The following CASZ1 variants were observed in gnomAD, a reference collection of about 807,000 sequenced individuals.
CASZ1 encodes zinc finger protein castor homolog 1.
Under a neutral mutation model 135.2 loss-of-function variants are expected in CASZ1, and 28 were observed. The ratio of observed to expected loss-of-function variants is 0.21; its 90% CI spans 0.15 to 0.28. The LOEUF (loss-of-function observed/expected upper bound fraction) is 0.28, where lower values mean the gene tolerates loss of function less well. CASZ1 is among the 10% of genes least tolerant of loss of function. The pLI is 1.00. For missense variants in CASZ1, 2,161 were observed against 2,453.3 expected, an observed-to-expected ratio of 0.88 and a Z score of 2.52; for synonymous variants, 1,068 against 1,073.4, an observed-to-expected ratio of 0.99 and a Z score of 0.10.
chr1:10,648,955 G>T, intron 15 of CASZ1, 115 bp downstream of exon 15: 1 of 1,408,566 alleles, frequency 7.1e-7, no homozygotes, highest in Non-Finnish European at 9.6e-7. Context: ...CCGAGAAGCC[G>T]GCTCAGCTTC....
intron 4 of CASZ1, among the ~76,000 whole-genome samples, chr1:10,687,424 A>T (rs954296653): frequency 2.0e-5 from 3 of 152,106 alleles, no homozygotes; most frequent in African/African-American, 7.2e-5. Context: ...GCCAGAGGAG[A>T]CCCCAGAGTC....
At chr1:10,796,116 GC>G (rs1393615467) in intron 1 of CASZ1, among the ~76,000 whole-genome samples, 1 of 151,928 alleles carries the variant, frequency 6.6e-6, no homozygotes, top group South Asian at 2.1e-4. Context: ...GAGATCACCT[GC>G]CCCCCCGGGA....
Position 10,639,052 on chromosome 1 carries a change from G to A in CASZ1, c.5170C>T (p.Pro1724Ser). The A allele has an allele frequency of 9.3e-7, 1 of 1,080,216 alleles. No homozygotes were observed. Among genetic ancestry groups the A allele is most frequent in the Non-Finnish European group, 1.1e-6 (1 of 874,306 alleles). 66.9% of individuals were successfully genotyped at this position (1,080,216 alleles called of 1,614,324 possible). Reference protein sequence around the residue: ...DLRTDSEESLPEAAAEAAGAG... With the variant: ...DLRTDSEESLSEAAAEAAGAG... Reference sequence around the variant, plus strand: ...CCCGCCGCCTCCGCCGCCGCCTCGGGCAGCGACTCCTCCGAGTCGGTGCGC... The same window carrying A: ...CCCGCCGCCTCCGCCGCCGCCTCGGACAGCGACTCCTCCGAGTCGGTGCGC... Residue 1724 changes from proline (P) to serine (S), a missense_variant, in exon 21 of 21, where the codon CCC (proline) becomes TCC (serine). Coordinates refer to ENST00000377022, the MANE Select transcript of CASZ1 (RefSeq NM_001079843.3). The surrounding 1 kb of genome is among the most constrained non-coding windows in gnomAD (Gnocchi z 4.0).
chr1:10,763,350 C>T (rs186063517), intron 1 of CASZ1, among the ~76,000 whole-genome samples: 61 of 152,324 alleles, frequency 4.0e-4, no homozygotes, highest in African/African-American at 1.5e-3. Context: ...CCGAAACCTC[C>T]ATGGGCCCTT....
rs981099215 is a variant in CASZ1 at position 10,747,918 on chromosome 1, G to A, written c.-77+12783C>T. On this transcript the variant is annotated intron_variant, in intron 2 of 20. Coordinates refer to ENST00000377022, the MANE Select transcript of CASZ1 (RefSeq NM_001079843.3). This position sits in a 1 kb window ranked among gnomAD's most constrained non-coding sequence, Gnocchi z 4.3. Reference sequence around the variant, plus strand: ...TGCAAGCTCCGCCTCCTGGGTTCACGCCATTCTCCTGCCTCAGCCTCCTAA... The same window carrying A: ...TGCAAGCTCCGCCTCCTGGGTTCACACCATTCTCCTGCCTCAGCCTCCTAA... Among the ~76,000 whole-genome samples the A allele has an allele frequency of 7.9e-5, 12 of 151,498 alleles. No individual in the cohort carries two copies. The highest frequency in any genetic ancestry group is 2.6e-4 in the Admixed American group (4 of 15,174).
At chr1:10,693,045 A>G (rs1301119930) in intron 4 of CASZ1, among the ~76,000 whole-genome samples, 2 of 152,214 alleles carry the variant, frequency 1.3e-5, no homozygotes, top group African/African-American at 4.8e-5. Flanking sequence ...ACTGGAAAGA[A>G]TTAGATTAAA....
chr1:10,640,567 G>A lies in CASZ1; in HGVS notation c.4163-508C>T, dbSNP rs377276373. ...GGGGAGCTGCCTACTCACAGTAGGG[G>A]TGCCAAGTGCCCCAGGGCTGTGCGG... On this transcript the variant is annotated intron_variant, in intron 20 of 20. Transcript: ENST00000377022. Among the ~76,000 whole-genome samples the A allele has an allele frequency of 8.5e-5, 13 of 152,350 alleles. No individual in the cohort carries two copies. The East Asian group carries it at 2.5e-3, about 29-fold the overall frequency.
At chr1:10,789,995 GC>G (rs1267896876) in intron 1 of CASZ1, among the ~76,000 whole-genome samples, 1 of 152,086 alleles carries the variant, frequency 6.6e-6, no homozygotes, top group African/African-American at 2.4e-5. Context: ...AGGTGGGGGT[GC>G]CCCCCTCCCC....
chr1:10,795,313 C>T (rs1226260079), intron 1 of CASZ1, among the ~76,000 whole-genome samples: 1 of 152,206 alleles, frequency 6.6e-6, no homozygotes, highest in Non-Finnish European at 1.5e-5. Context: ...GGCTCTCTCC[C>T]TTTGGTGTTC....
At chr1:10,680,311 C>T (rs1412430270) in intron 4 of CASZ1, among the ~76,000 whole-genome samples, 3 of 150,084 alleles carry the variant, frequency 2.0e-5, no homozygotes, top group Non-Finnish European at 3.0e-5. Context: ...GGTGCGAGGC[C>T]GGCTCTGGGG....
chr1:10,709,857 G>C lies in CASZ1; in HGVS notation c.-76-4313C>G, dbSNP rs1342208386. 6.6e-6 allele frequency among the ~76,000 whole-genome samples: 1 copy of C among 152,188 alleles called. No individual in the cohort carries two copies. Among genetic ancestry groups the C allele is most frequent in the Admixed American group, 6.5e-5 (1 of 15,286 alleles). ...TTAGCAGGACAATGAGGGGGCCGGC[G>C]GCCCGCACAGGCCAGCAGGTGCCCG... On this transcript the variant is annotated intron_variant, in intron 2 of 20. Coordinates refer to ENST00000377022, the MANE Select transcript of CASZ1 (RefSeq NM_001079843.3). The surrounding 1 kb of genome is among the most constrained non-coding windows in gnomAD (Gnocchi z 5.1).
At position 10,665,547 on chromosome 1, in the gene CASZ1, G is replaced by A. The variant is rs200476852; in HGVS notation, c.41C>T (p.Pro14Leu). Residue 14 changes from proline to leucine, a missense_variant, in exon 5 of 21, where the codon CCG becomes CTG. Physicochemically the swap from Pro to Leu is moderately conservative, Grantham distance 98 (BLOSUM62 -3). Transcript: ENST00000377022. The stretch of plus-strand genomic sequence containing the variant: ...CGCCATGGCGGGCTTGCCTGCAGGC[G>A]GGTCCGTGCACCGGGTGCCCTCAGC... ...GTAEGTRCTD[P>L]PAGKPAMAPK... is the part of the protein sequence containing the mutation. 1,308 of 1,575,880 alleles carry A rather than the reference G, an allele frequency of 8.3e-4. 1 individual carries two copies. The highest frequency in any genetic ancestry group is 1.1e-3 in the Non-Finnish European group (1,246 of 1,167,094).
chr1:10,775,565 T>C (rs1640647460), intron 1 of CASZ1, among the ~76,000 whole-genome samples: 1 of 152,166 alleles, frequency 6.6e-6, no homozygotes, highest in Non-Finnish European at 1.5e-5. Context: ...TCTTTTTCCC[T>C]GGTTCCTTTT....
chr1:10,707,176 C>T lies in CASZ1; in HGVS notation c.-76-1632G>A, dbSNP rs1188924520. 6.6e-6 allele frequency among the ~76,000 whole-genome samples: 1 copy of T among 152,096 alleles called. No individual in the cohort carries two copies. The highest frequency in any genetic ancestry group is 1.5e-5 in the Non-Finnish European group (1 of 68,004). ...GGTGCCCTGGCCAGCCTCCTGTGGA[C>T]CCCCAAAGCCCCCCAACTCCACAAC... is the stretch of plus-strand genomic sequence containing the variant. On this transcript the variant is annotated intron_variant, in intron 2 of 20. Transcript: ENST00000377022. The surrounding 1 kb of genome is among the most constrained non-coding windows in gnomAD (Gnocchi z 5.0).
Position 10,654,041 on chromosome 1 carries a change from G to C in CASZ1, c.2016C>G (p.Arg672=). Reference sequence around the variant, plus strand: ...AGGTGAAGGTGAAGCCGCAGCCGGCGCGGATGCAGTGGAAGTGGTTGGTAG... The same window carrying C: ...AGGTGAAGGTGAAGCCGCAGCCGGCCCGGATGCAGTGGAAGTGGTTGGTAG... ...SKATNHFHCI[R]AGCGFTFTST... is the part of the protein sequence containing the mutation. The change falls in exon 11 of 21, where the codon CGC becomes CGG. Residue 672 remains arginine (R), a synonymous_variant. Transcript: ENST00000377022. The C allele has an allele frequency of 6.2e-7, 1 of 1,614,220 alleles. No homozygotes were observed. The highest frequency in any genetic ancestry group is 1.1e-5 in the South Asian group (1 of 91,088).
chr1:10,693,945 GAGA>G (rs942363869), intron 3 of CASZ1, 33 bp from the exon 4 acceptor site: 7 of 1,604,506 alleles, frequency 4.4e-6, no homozygotes, highest in African/African-American at 4.0e-5. Context: ...AAGACCGGGA[GAGA>G]AGAAACACGG....
chr1:10,713,259 G>A (rs180757533), intron 2 of CASZ1, among the ~76,000 whole-genome samples: 2 of 152,284 alleles, frequency 1.3e-5, no homozygotes, highest in South Asian at 2.1e-4. Flanking sequence ...ATCATGTGCC[G>A]CTCCCAAGCC....
rs1185518725 is a variant in CASZ1 at position 10,676,602 on chromosome 1, A to G, written c.17-11031T>C. ...TGTGCCTCGGTGGACCAACCTGCCT[A>G]GGGGTGCCCTGGGATCCTATTTCCA... On this transcript the variant is annotated intron_variant, in intron 4 of 20. Coordinates refer to ENST00000377022, the MANE Select transcript of CASZ1 (RefSeq NM_001079843.3). The surrounding 1 kb of genome is among the most constrained non-coding windows in gnomAD (Gnocchi z 4.5). 6.6e-6 allele frequency among the ~76,000 whole-genome samples: 1 copy of G among 151,982 alleles called. No homozygotes were observed. Among genetic ancestry groups the G allele is most frequent in the Non-Finnish European group, 1.5e-5 (1 of 67,950 alleles).
chr1:10,743,898 G>A (rs1352179070), intron 2 of CASZ1, among the ~76,000 whole-genome samples: 1 of 151,488 alleles, frequency 6.6e-6, no homozygotes, highest in Admixed American at 6.6e-5. Flanking sequence ...GCATGGGGCG[G>A]CGGGGGGAGG....
Sources: allele counts gnomAD v4.1 joint callset (sites outside exome capture counted in the v4.1 genomes callset), GRCh38; gene constraint gnomAD v4.1.1; non-coding constraint Gnocchi (gnomAD v3.1); transcripts MANE v1.5; gene names NCBI Gene and HGNC (gene_info 2026-07-23, HGNC 2026-07-21).